GRIK1: variants seen among roughly 807,000 people sequenced by gnomAD.
GRIK1 encodes the protein glutamate receptor ionotropic, kainate 1.
A neutral mutation model predicts 105.7 loss-of-function variants in GRIK1; 69 were observed. The observed-to-expected ratio is 0.65, with a 90% CI of 0.54 to 0.80. GRIK1 has a LOEUF of 0.80. Ranked by LOEUF, GRIK1 falls within the 30% of genes least tolerant of loss-of-function variation. The pLI is 0.00. For synonymous variants in GRIK1, 438 were observed against 431.3 expected (o/e 1.02, Z -0.19); for missense variants, 1,109 against 1,167.3 (o/e 0.95, Z 0.73).
At chr21:29,541,713 T>C (rs531936190) in intron 16 of GRIK1, among the ~76,000 whole-genome samples, 172 of 69,790 alleles carry the variant, frequency 2.5e-3, no homozygotes, top group African/African-American at 6.8e-3. Context: ...ATAGTTCCCA[T>C]AGGTGTTAAA....
chr21:29,866,391 T>C (rs1204152099), intron 1 of GRIK1, among the ~76,000 whole-genome samples: 1 of 152,192 alleles, frequency 6.6e-6, no homozygotes, highest in Admixed American at 6.5e-5. Context: ...TGTTTTTAAT[T>C]GCTTTCATTT....
chr21:29,830,957 G>T (rs1244167822), intron 1 of GRIK1, among the ~76,000 whole-genome samples: 1 of 152,108 alleles, frequency 6.6e-6, no homozygotes, highest in Non-Finnish European at 1.5e-5. Flanking sequence ...TAATCATTCA[G>T]TTGGGAGGGG....
At chr21:29,628,752 A>C (rs2062189920) in intron 7 of GRIK1, among the ~76,000 whole-genome samples, 1 of 152,240 alleles carries the variant, frequency 6.6e-6, no homozygotes, top group Admixed American at 6.5e-5. Context: ...TAATGTGGTC[A>C]ATAAAACCCA....
chr21:29,913,461 C>T (rs927026167), intron 1 of GRIK1, among the ~76,000 whole-genome samples: 9 of 151,924 alleles, frequency 5.9e-5, no homozygotes, highest in African/African-American at 2.2e-4. Flanking sequence ...GTATCCACGA[C>T]TTTATGCTGT....
chr21:29,750,934 G>A lies in GRIK1; in HGVS notation c.119-56871C>T, dbSNP rs373652384. Among the ~76,000 whole-genome samples the A allele has an allele frequency of 1.3e-4, 20 of 152,294 alleles. No individual in the cohort carries two copies. The South Asian group carries it at 1.7e-3, about 13-fold the overall frequency. The stretch of plus-strand genomic sequence containing the variant: ...GGCGGACTGAGTCCGAAAAGAGTCA[G>A]CGAAGGGAGATAGGGGTGGGGCCGT... On this transcript the variant is annotated intron_variant, in intron 1 of 17. Transcript: ENST00000327783.
chr21:29,537,368 A>G lies in GRIK1; in HGVS notation c.2712T>C (p.Ala904=). 1 of 1,610,894 alleles carries G rather than the reference A, an allele frequency of 6.2e-7. No individual in the cohort carries two copies. The highest frequency in any genetic ancestry group is 8.5e-7 in the Non-Finnish European group (1 of 1,178,314). Residue 904 remains alanine (A), a synonymous_variant, in exon 18 of 18, where the codon GCT becomes GCC. Transcript: ENST00000327783. ...GTGAGATTCCCAGTTCTTCCATGAT[A>G]GCGTTGAAAGAGAGACACTAGGGAA... ...LGVEKCLSFN[A]IMEELGISLK... is the part of the protein sequence containing the mutation.
At chr21:29,630,657 C>A in intron 7 of GRIK1, 1 of 466,544 alleles carries the variant, frequency 2.1e-6, no homozygotes, top group Non-Finnish European at 4.4e-6. Context: ...CCCTTCTCAG[C>A]TTCGTGGACC....
intron 3 of GRIK1, among the ~76,000 whole-genome samples, chr21:29,679,474 T>C (rs972765461): frequency 6.6e-6 from 1 of 152,220 alleles, no homozygotes; most frequent in Non-Finnish European, 1.5e-5. Flanking sequence ...CCACTCAAAT[T>C]TGTGTCTCCA....
chr21:29,896,631 C>T (rs1323202842), intron 1 of GRIK1, among the ~76,000 whole-genome samples: 1 of 152,100 alleles, frequency 6.6e-6, no homozygotes, highest in Non-Finnish European at 1.5e-5. Flanking sequence ...GTGAATTTTG[C>T]TAATATTTTG....
chr21:29,694,246 C>T (rs535062040), intron 1 of GRIK1, among the ~76,000 whole-genome samples, 183 bp from the exon 2 acceptor site: 30 of 151,454 alleles, frequency 2.0e-4, no homozygotes, highest in African/African-American at 7.0e-4. Flanking sequence ...GCCTCAGCCT[C>T]CCGAGTAGCT....
intron 1 of GRIK1, among the ~76,000 whole-genome samples, chr21:29,784,549 T>G (rs1601688896): frequency 6.6e-6 from 1 of 152,338 alleles, no homozygotes; most frequent in East Asian, 1.9e-4. Context: ...CAACTTCTTT[T>G]TCTTCTTTGG....
intron 4 of GRIK1, among the ~76,000 whole-genome samples, chr21:29,671,692 C>T (rs916983442): frequency 6.6e-5 from 10 of 152,156 alleles, no homozygotes; most frequent in African/African-American, 2.4e-4. Context: ...CAACCCCAGA[C>T]CTTTAAACAA....
chr21:29,579,338 T>C lies in GRIK1; in HGVS notation c.1912+2087A>G, dbSNP rs148028909. On this transcript the variant is annotated intron_variant, in intron 13 of 17. Coordinates refer to ENST00000327783, the MANE Select transcript of GRIK1 (RefSeq NM_001330994.2). ...AGAAATGGCTTCTTTCAAGTAGAGA[T>C]GATTTGTGTAAGTTTAGTACTCTAG... Among the ~76,000 whole-genome samples the C allele has an allele frequency of 1.4e-4, 22 of 152,326 alleles. 2 individuals are homozygous for C. Among genetic ancestry groups the C allele is most frequent in the African/African-American group, 5.1e-4 (21 of 41,582 alleles).
At chr21:29,677,164 C>T (rs978797881) in intron 3 of GRIK1, among the ~76,000 whole-genome samples, 3 of 152,102 alleles carry the variant, frequency 2.0e-5, no homozygotes, top group African/African-American at 7.2e-5. Context: ...AATGATAGAG[C>T]ATTACAGCAA....
chr21:29,879,915 A>G (rs992435412), intron 1 of GRIK1, among the ~76,000 whole-genome samples: 1 of 152,084 alleles, frequency 6.6e-6, no homozygotes, highest in Non-Finnish European at 1.5e-5. Flanking sequence ...CAAGCCAACC[A>G]TCTTAAAGGC....
chr21:29,743,112 G>A (rs368660500), intron 1 of GRIK1, among the ~76,000 whole-genome samples: 17 of 151,804 alleles, frequency 1.1e-4, no homozygotes, highest in East Asian at 7.7e-4. Flanking sequence ...TAGGGGTAAA[G>A]TATCAGAATT....
At chr21:29,857,790 T>C (rs2068507368) in intron 1 of GRIK1, among the ~76,000 whole-genome samples, 1 of 152,244 alleles carries the variant, frequency 6.6e-6, no homozygotes, top group African/African-American at 2.4e-5. Context: ...TGGCCATTAC[T>C]GGATTTAAGA....
At chr21:29,803,460 G>T (rs374236896) in intron 1 of GRIK1, among the ~76,000 whole-genome samples, 1 of 152,146 alleles carries the variant, frequency 6.6e-6, no homozygotes, top group African/African-American at 2.4e-5. Context: ...ATTCAGAAAA[G>T]TGTCAATAGA....
chr21:29,553,147 GAAGAA>G (rs2090164448), intron 16 of GRIK1: 16 of 860,726 alleles, frequency 1.9e-5, no homozygotes, highest in Non-Finnish European at 2.2e-5. Flanking sequence ...GAGACAGGGA[GAAGAA>G]AAGAGGAGGG....
Sources: allele counts gnomAD v4.1 joint callset (sites outside exome capture counted in the v4.1 genomes callset), GRCh38; gene constraint gnomAD v4.1.1; transcripts MANE v1.5; gene names NCBI Gene and HGNC (gene_info 2026-07-23, HGNC 2026-07-21).